The following SEMA5B variants were observed in gnomAD, a reference collection of about 807,000 sequenced individuals.
SEMA5B encodes semaphorin-5B.
In SEMA5B, 66 loss-of-function variants were observed where a neutral mutation model predicts 135.0. The observed-to-expected ratio is 0.49, with a 90% CI of 0.40 to 0.60. The LOEUF is 0.60. Among genes scored for constraint, SEMA5B ranks in the 20% least tolerant of loss-of-function variants. SEMA5B has a pLI of 0.00. For synonymous variants in SEMA5B, 690 were observed against 639.5 expected (o/e 1.08, Z -1.19); for missense variants, 1,501 against 1,566.3 (o/e 0.96, Z 0.70).
chr3:123,025,232 G>T (rs551382447), intron 1 of SEMA5B, among the ~76,000 whole-genome samples: 12 of 152,274 alleles, frequency 7.9e-5, no homozygotes, highest in African/African-American at 2.2e-4. Context: ...CTATCTCAGG[G>T]CAGAGTCAAT....
intron 3 of SEMA5B, among the ~76,000 whole-genome samples, chr3:122,943,805 C>G (rs1939670588): frequency 1.3e-5 from 2 of 152,168 alleles, no homozygotes; most frequent in African/African-American, 4.8e-5. Context: ...CCTTGACTTC[C>G]CCCAGACCTT....
chr3:122,952,658 T>G (rs947740944), intron 2 of SEMA5B, among the ~76,000 whole-genome samples: 1 of 152,192 alleles, frequency 6.6e-6, no homozygotes. Context: ...GCACTTCCTT[T>G]TGCCCTCTGA....
chr3:122,919,126 C>T (rs1385111683), intron 12 of SEMA5B, among the ~76,000 whole-genome samples: 1 of 150,628 alleles, frequency 6.6e-6, no homozygotes, highest in African/African-American at 2.4e-5. Flanking sequence ...GATTCCAGCA[C>T]TGTGGTGTAG....
chr3:122,989,992 C>G (rs988988569), intron 1 of SEMA5B, among the ~76,000 whole-genome samples: 17 of 152,172 alleles, frequency 1.1e-4, no homozygotes, highest in Admixed American at 1.1e-3. Flanking sequence ...CTCCCTGTCC[C>G]TGTTCTTTAG....
At chr3:122,928,474 G>T in intron 7 of SEMA5B, 43 bp downstream of exon 7, 1 of 1,473,276 alleles carries the variant, frequency 6.8e-7, no homozygotes, top group South Asian at 1.3e-5. Context: ...GAGAACCCCC[G>T]GCATGGTGCC....
intron 1 of SEMA5B, among the ~76,000 whole-genome samples, chr3:122,963,183 C>A (rs1008035449): frequency 2.0e-5 from 3 of 152,210 alleles, no homozygotes; most frequent in African/African-American, 7.2e-5. Flanking sequence ...AAGCCTTTCC[C>A]TCTAAAGTTA....
intron 12 of SEMA5B, among the ~76,000 whole-genome samples, chr3:122,919,712 T>A (rs1938255906): frequency 6.6e-6 from 1 of 152,186 alleles, no homozygotes; most frequent in African/African-American, 2.4e-5. Flanking sequence ...ATCTAGCCAT[T>A]TTTCTAATCT....
At chr3:122,955,673 T>G (rs570535090) in intron 2 of SEMA5B, among the ~76,000 whole-genome samples, 130 of 152,364 alleles carry the variant, frequency 8.5e-4, no homozygotes, top group African/African-American at 3.1e-3. Flanking sequence ...CTGCTCTACC[T>G]GGTTGCAAAC....
chr3:122,911,109 C>A, intron 21 of SEMA5B, 64 bp from the exon 22 acceptor site: 1 of 1,391,488 alleles, frequency 7.2e-7, no homozygotes, highest in Non-Finnish European at 9.9e-7. Flanking sequence ...TCCTGCCTGC[C>A]TCCCTGGGAG....
At chr3:122,914,456 C>T (rs927056944) in intron 14 of SEMA5B, among the ~76,000 whole-genome samples, 2 of 152,186 alleles carry the variant, frequency 1.3e-5, no homozygotes, top group Admixed American at 6.5e-5. Context: ...CCTACTCTGA[C>T]GCCAATTTTC....
At position 122,928,526 on chromosome 3, in the gene SEMA5B, G is replaced by A. The variant is rs763706811; in HGVS notation, c.627C>T (p.Thr209=). Reference sequence around the variant, plus strand: ...ACCCTGAGGTGCCCACCTGTCTGCTGGTGCACATGGGGGAAAAGGCATTGG... The same window carrying A: ...ACCCTGAGGTGCCCACCTGTCTGCTAGTGCACATGGGGGAAAAGGCATTGG... ...CGTNAFSPMC[T]SRQVGNLSRT... The change falls in exon 7 of 23, where the codon ACC becomes ACT. Residue 209 remains threonine (T), a synonymous_variant. Transcript: ENST00000357599. 5 of 1,560,042 alleles carry A rather than the reference G, an allele frequency of 3.2e-6. No homozygotes were observed. Among genetic ancestry groups the A allele is most frequent in the South Asian group, 2.4e-5 (2 of 84,530 alleles).
chr3:123,026,288 G>A (rs933739197), intron 1 of SEMA5B, among the ~76,000 whole-genome samples: 1 of 152,176 alleles, frequency 6.6e-6, no homozygotes, highest in African/African-American at 2.4e-5. Context: ...CCGCCCTCCC[G>A]GCTCCTGCTG....
chr3:123,025,565 T>C (rs1942778776), intron 1 of SEMA5B, among the ~76,000 whole-genome samples: 1 of 152,252 alleles, frequency 6.6e-6, no homozygotes. Flanking sequence ...AGGAAGGCTC[T>C]GGCACTGGCT....
chr3:123,011,496 C>T (rs1942437506), intron 1 of SEMA5B, among the ~76,000 whole-genome samples: 1 of 152,162 alleles, frequency 6.6e-6, no homozygotes, highest in Non-Finnish European at 1.5e-5. Context: ...GGGGTTTTGC[C>T]CAAGAAGGGG....
chr3:122,975,856 ACCAAAT>A (rs1941299894), intron 1 of SEMA5B: 1 of 1,148,250 alleles, frequency 8.7e-7, no homozygotes, highest in African/African-American at 1.6e-5. Context: ...TGCCTACACA[ACCAAAT>A]CCAAACACCC....
chr3:122,971,629 T>C (rs915851589), intron 1 of SEMA5B, among the ~76,000 whole-genome samples: 4 of 152,252 alleles, frequency 2.6e-5, no homozygotes, highest in Non-Finnish European at 5.9e-5. Flanking sequence ...ATTGAATGAA[T>C]GAAAGTGAGT....
At chr3:122,985,547 C>A (rs898068291) in intron 1 of SEMA5B, among the ~76,000 whole-genome samples, 1 of 151,912 alleles carries the variant, frequency 6.6e-6, no homozygotes, top group African/African-American at 2.4e-5. Flanking sequence ...TTGTCCCCAG[C>A]AACTCCAGCT....
At chr3:122,935,695 T>TTTTTTTTTTTTC (rs1939242398) in intron 5 of SEMA5B, among the ~76,000 whole-genome samples, 1 of 133,208 alleles carries the variant, frequency 7.5e-6, no homozygotes. Flanking sequence ...TCTTTTTTTT[T>TTTTTTTTTTTTC]TTTTTTTTTT....
chr3:122,970,389 C>G (rs1010044043), intron 1 of SEMA5B, among the ~76,000 whole-genome samples: 5 of 152,216 alleles, frequency 3.3e-5, no homozygotes, highest in Admixed American at 2.6e-4. Flanking sequence ...TTGTTGGGCC[C>G]CTTCTCCAGA....
Sources: gnomAD v4.1 joint callset for allele counts (sites outside exome capture counted in the v4.1 genomes callset) on GRCh38, gnomAD v4.1.1 for gene constraint, MANE v1.5 for transcripts, NCBI Gene and HGNC (gene_info 2026-07-23, HGNC 2026-07-21) for gene names.